Variants in CALN1 observed in about 807,000 individuals in gnomAD.
The protein encoded by CALN1 is calneuron 1.
A neutral mutation model predicts 30.6 loss-of-function variants in CALN1; 17 were observed. The ratio of observed to expected loss-of-function variants is 0.56; its 90% CI spans 0.38 to 0.83. CALN1 has a LOEUF of 0.83. Ranked by LOEUF, CALN1 falls within the 40% of genes least tolerant of loss-of-function variation. CALN1 has a pLI of 0.00. For synonymous variants in CALN1, 156 were observed against 131.4 expected, an observed-to-expected ratio of 1.19 and a Z score of -1.28; for missense variants, 291 against 354.9, an observed-to-expected ratio of 0.82 and a Z score of 1.45.
At chr7:72,267,831 A>T (rs1796695763) in intron 3 of CALN1, among the ~76,000 whole-genome samples, 1 of 152,094 alleles carries the variant, frequency 6.6e-6, no homozygotes, top group South Asian at 2.1e-4. Context: ...ACACAGCAAG[A>T]CCTCGTCTTT....
intron 4 of CALN1, 80 bp from the exon 5 acceptor site, chr7:72,023,849 G>A (rs182143803): frequency 5.7e-5 from 53 of 929,826 alleles, no homozygotes; most frequent in African/African-American, 4.4e-4. Flanking sequence ...ACACCTCTAC[G>A]CTTTTCTTCT....
chr7:71,923,723 T>A (rs1255389319), intron 5 of CALN1, among the ~76,000 whole-genome samples: 6 of 152,162 alleles, frequency 3.9e-5, no homozygotes, highest in Non-Finnish European at 7.4e-5. Context: ...AGTGCCCTCC[T>A]AAGGATGCTC....
At chr7:72,402,043 T>C (rs561144236) in intron 2 of CALN1, among the ~76,000 whole-genome samples, 8 of 152,194 alleles carry the variant, frequency 5.3e-5, no homozygotes, top group Non-Finnish European at 1.0e-4. Context: ...CCCAAGATGA[T>C]CTCTGACTCT....
intron 4 of CALN1, among the ~76,000 whole-genome samples, chr7:72,056,025 A>C (rs1433642690): frequency 3.3e-5 from 5 of 152,200 alleles, no homozygotes; most frequent in Admixed American, 3.3e-4. Context: ...GTCTCAATTA[A>C]AAAATAAAAG....
At chr7:72,198,759 T>A (rs1009890955) in intron 3 of CALN1, among the ~76,000 whole-genome samples, 1 of 152,168 alleles carries the variant, frequency 6.6e-6, no homozygotes, top group Non-Finnish European at 1.5e-5. Flanking sequence ...CTTTGCACAC[T>A]ATATGATCAA....
chr7:71,902,721 A>G (rs1479365073), intron 5 of CALN1, among the ~76,000 whole-genome samples: 2 of 152,204 alleles, frequency 1.3e-5, no homozygotes, highest in Admixed American at 1.3e-4. Context: ...CACTATTCAC[A>G]ATAGCAAAGA....
At position 71,952,892 on chromosome 7, in the gene CALN1, G is replaced by C. The variant is rs549480506; in HGVS notation, c.501+70765C>G. ...AAAGTCTTCTTCGATTCCTCTAATA[G>C]GAGAAAGTGCCTTCCTCTTTAGCTT... On this transcript the variant is annotated intron_variant, in intron 5 of 6. Transcript: ENST00000395275. 8.5e-5 allele frequency among the ~76,000 whole-genome samples: 13 copies of C among 152,244 alleles called. 1 individual carries two copies. The East Asian group carries it at 2.3e-3, about 27-fold the overall frequency.
chr7:72,245,101 CA>C (rs1457551693), intron 3 of CALN1, among the ~76,000 whole-genome samples: 1 of 152,172 alleles, frequency 6.6e-6, no homozygotes, highest in Non-Finnish European at 1.5e-5. Flanking sequence ...GGAAAATATT[CA>C]AATGAGGTGA....
At chr7:72,163,004 A>C (rs926319171) in intron 3 of CALN1, among the ~76,000 whole-genome samples, 1 of 152,210 alleles carries the variant, frequency 6.6e-6, no homozygotes, top group African/African-American at 2.4e-5. Flanking sequence ...ACAGGAGCAC[A>C]AGGGGACAGA....
chr7:72,147,743 A>G (rs1327494404), intron 3 of CALN1, among the ~76,000 whole-genome samples: 1 of 152,094 alleles, frequency 6.6e-6, no homozygotes, highest in African/African-American at 2.4e-5. Context: ...TGTGGCACAT[A>G]TACACCATGG....
At chr7:72,432,869 C>G (rs1247893979) in intron 1 of CALN1, among the ~76,000 whole-genome samples, 2 of 152,046 alleles carry the variant, frequency 1.3e-5, no homozygotes, top group East Asian at 3.9e-4. Context: ...TCTGCCTCGG[C>G]AAAAAGACGG....
intron 2 of CALN1, among the ~76,000 whole-genome samples, chr7:72,279,778 T>C (rs1482351893): frequency 6.6e-6 from 1 of 152,202 alleles, no homozygotes; most frequent in Non-Finnish European, 1.5e-5. Flanking sequence ...CTAATGATGC[T>C]CTCCGTGACT....
intron 5 of CALN1, among the ~76,000 whole-genome samples, chr7:71,943,694 G>A (rs1003946416): frequency 1.1e-4 from 17 of 152,048 alleles, no homozygotes; most frequent in East Asian, 1.9e-4. Flanking sequence ...CACCCACCTC[G>A]GACTCCCAAA....
At chr7:72,352,544 T>C (rs1218659840) in intron 2 of CALN1, among the ~76,000 whole-genome samples, 3 of 152,150 alleles carry the variant, frequency 2.0e-5, no homozygotes, top group African/African-American at 7.2e-5. Context: ...TTTTGCATAA[T>C]GCGTATGTCA....
intron 5 of CALN1, among the ~76,000 whole-genome samples, chr7:71,972,377 C>T (rs572029624): frequency 1.3e-5 from 2 of 152,260 alleles, no homozygotes; most frequent in East Asian, 3.9e-4. Context: ...AGAATGGCGG[C>T]CTTTGTGAGA....
intron 1 of CALN1, among the ~76,000 whole-genome samples, chr7:72,440,360 A>T (rs1808309748): frequency 6.6e-6 from 1 of 152,162 alleles, no homozygotes; most frequent in African/African-American, 2.4e-5. Context: ...GAAAGTTCTG[A>T]TCAGATTAGA....
Position 71,847,726 on chromosome 7 carries a change from A to AAAGAAGAAAG in CALN1, c.502-37244_502-37235dup, listed in dbSNP as rs1342408895. Among the ~76,000 whole-genome samples, 33 of 110,388 alleles carry AAAGAAGAAAG rather than the reference A, an allele frequency of 3.0e-4. 2 individuals are homozygous for AAAGAAGAAAG. Among genetic ancestry groups the AAAGAAGAAAG allele is most frequent in the African/African-American group, 1.3e-3 (31 of 24,630 alleles). The allele number at this position is 110,388 out of a possible 152,430, so 72.4% of individuals were successfully genotyped here. On this transcript the variant is annotated intron_variant, in intron 5 of 6. Coordinates refer to ENST00000395275, the MANE Select transcript of CALN1 (RefSeq NM_031468.4). ...GAAAGAAGAAAGAAGAAAGAAGAAG[A>AAAGAAGAAAG]AAGAAGAAAGAAGAAAGAAGAAGAA...
the CALN1 span, among the ~76,000 whole-genome samples, chr7:72,459,283 A>T: frequency 6.6e-6 from 1 of 152,212 alleles, no homozygotes; most frequent in East Asian, 1.9e-4. Flanking sequence ...ACACCTGTGA[A>T]ATTCTAACAA....
At chr7:72,201,561 G>C (rs1261713801) in intron 3 of CALN1, among the ~76,000 whole-genome samples, 2 of 151,566 alleles carry the variant, frequency 1.3e-5, no homozygotes, top group Non-Finnish European at 1.5e-5. Context: ...ACTCCAGCCG[G>C]GATGACAGAG....
Sources: gnomAD v4.1 joint callset for allele counts (sites outside exome capture counted in the v4.1 genomes callset) on GRCh38, gnomAD v4.1.1 for gene constraint, MANE v1.5 for transcripts, NCBI Gene and HGNC (gene_info 2026-07-23, HGNC 2026-07-21) for gene names.